Variants in GLE1 observed in about 807,000 individuals in gnomAD.
GLE1 encodes mRNA export factor GLE1.
Under a neutral mutation model 97.3 loss-of-function variants are expected in GLE1, and 78 were observed. The observed-to-expected ratio is 0.80, with a 90% CI of 0.67 to 0.97. GLE1 has a LOEUF of 0.97. Ranked by LOEUF, GLE1 falls within the 50% of genes least tolerant of loss-of-function variation. The pLI is 0.00. For missense variants in GLE1, 753 were observed against 857.5 expected (o/e 0.88, Z 1.52); for synonymous variants, 302 against 313.4 (o/e 0.96, Z 0.39).
chr9:128,539,678 CAA>C lies in GLE1; in HGVS notation c.1946_1947del (p.Lys649ArgfsTer8), dbSNP rs958545212. 6.2e-7 allele frequency: 1 copy of C among 1,611,912 alleles called. No individual in the cohort carries two copies. The highest frequency in any genetic ancestry group is 1.3e-5 in the African/African-American group (1 of 75,002). Reference protein sequence around the residue: ...VQFWKMLILIKEDYFPRIEAI... With the variant: ...VQFWKMLILIXEDYFPRIEAI... ...AGTTCTGGAAGATGCTAATTCTCAT[CAA>C]AGAGGACTACTTTCCCAGGTATCAG... On this transcript the variant is annotated frameshift_variant, in exon 14 of 16. Transcript: ENST00000309971. LOFTEE classifies it high-confidence loss of function.
intron 11 of GLE1, among the ~76,000 whole-genome samples, chr9:128,536,123 C>T (rs1294316329): frequency 6.6e-6 from 1 of 152,150 alleles, no homozygotes; most frequent in East Asian, 1.9e-4. Context: ...ACCTCCACCT[C>T]CCAGGTTCAA....
intron 9 of GLE1, 43 bp downstream of exon 9, chr9:128,527,568 A>G (rs778509068): frequency 8.7e-7 from 1 of 1,145,658 alleles, no homozygotes; most frequent in South Asian, 1.2e-5. Flanking sequence ...ATTTCATTGT[A>G]TTATCTTTCA....
chr9:128,518,110 T>C (rs1171968899), intron 3 of GLE1, among the ~76,000 whole-genome samples: 1 of 152,052 alleles, frequency 6.6e-6, no homozygotes, highest in Non-Finnish European at 1.5e-5. Flanking sequence ...TAGCTGTTTC[T>C]GGACAGTTTA....
Position 128,541,249 on chromosome 9 carries a change from A to G in GLE1, c.*79A>G. 1.2e-6 allele frequency: 1 copy of G among 853,732 alleles called. No individual in the cohort carries two copies. The highest frequency in any genetic ancestry group is 2.1e-6 in the Non-Finnish European group (1 of 487,178). 52.9% of individuals were successfully genotyped at this position (853,732 alleles called of 1,614,324 possible). A position where few individuals can be genotyped will look rare whatever the true frequency, so the allele number is the denominator to read the frequency against. ...ACTGAAGACAGCTGTATTTGGGAGA[A>G]GTCATGTCAGATTCAGAAATTTGCC... On this transcript the variant is annotated 3_prime_UTR_variant, in exon 16 of 16. Coordinates refer to ENST00000309971, the MANE Select transcript of GLE1 (RefSeq NM_001003722.2).
intron 6 of GLE1, among the ~76,000 whole-genome samples, chr9:128,524,827 G>C (rs1276242590): frequency 1.3e-5 from 2 of 151,900 alleles, no homozygotes; most frequent in African/African-American, 4.8e-5. Flanking sequence ...GGGAGGCAAA[G>C]GTTGCAATGA....
At chr9:128,532,705 A>G (rs1385910589) in intron 9 of GLE1, 1 of 969,366 alleles carries the variant, frequency 1.0e-6, no homozygotes, top group Non-Finnish European at 1.2e-6. Flanking sequence ...CGCAGCCCCC[A>G]CTGCTTGTGA....
intron 1 of GLE1, among the ~76,000 whole-genome samples, chr9:128,506,889 T>C (rs1158039279): frequency 1.3e-5 from 2 of 152,238 alleles, no homozygotes; most frequent in Non-Finnish European, 2.9e-5. Context: ...GAAGTTTGGC[T>C]CCTGTTATTC....
chr9:128,533,815 GT>G lies in GLE1; in HGVS notation c.1512del (p.Val505TrpfsTer51), dbSNP rs1487298929. 6.2e-7 allele frequency: 1 copy of G among 1,613,986 alleles called. No individual in the cohort carries two copies. Among genetic ancestry groups the G allele is most frequent in the Non-Finnish European group, 8.5e-7 (1 of 1,179,946 alleles). ...SHHEAAFPIA[V>X]VASGIWELHP... ...CCATGAAGCAGCATTCCCCATTGCAGTTGTGGCATCCGGGATCTGGGAGCTC... is the reference window on the plus strand; with the variant it reads ...CCATGAAGCAGCATTCCCCATTGCAGTGTGGCATCCGGGATCTGGGAGCTC... On this transcript the variant is annotated frameshift_variant, in exon 11 of 16. Coordinates refer to ENST00000309971, the MANE Select transcript of GLE1 (RefSeq NM_001003722.2). LOFTEE classifies it high-confidence loss of function.
chr9:128,533,038 C>T (rs1847569161), intron 9 of GLE1, among the ~76,000 whole-genome samples: 4 of 152,016 alleles, frequency 2.6e-5, no homozygotes, highest in Admixed American at 2.6e-4. Context: ...ACTGTTTATC[C>T]CTTCATTTTA....
chr9:128,528,347 A>C (rs894875798), intron 9 of GLE1, among the ~76,000 whole-genome samples: 1 of 134,548 alleles, frequency 7.4e-6, no homozygotes, highest in Admixed American at 8.0e-5. Flanking sequence ...TCTGTCACCC[A>C]GACTGGAGTG....
At chr9:128,539,334 G>A (rs557744148) in intron 13 of GLE1, among the ~76,000 whole-genome samples, 1 of 152,184 alleles carries the variant, frequency 6.6e-6, no homozygotes, top group Non-Finnish European at 1.5e-5. Context: ...TACTAAGTTT[G>A]GGAGGTATAC....
At chr9:128,510,713 G>C (rs995089064) in intron 2 of GLE1, among the ~76,000 whole-genome samples, 1 of 145,610 alleles carries the variant, frequency 6.9e-6, no homozygotes, top group Non-Finnish European at 1.5e-5. Context: ...ATTCTTAGTA[G>C]AGACAGGATT....
intron 2 of GLE1, among the ~76,000 whole-genome samples, chr9:128,512,011 T>C (rs1846839962): frequency 1.3e-5 from 2 of 152,186 alleles, no homozygotes; most frequent in East Asian, 3.9e-4. Flanking sequence ...GGTTTCACCA[T>C]GTTGGCCAGG....
At chr9:128,519,676 G>A (rs187893607) in intron 3 of GLE1, among the ~76,000 whole-genome samples, 8 of 152,268 alleles carry the variant, frequency 5.3e-5, no homozygotes, top group East Asian at 1.9e-4. Context: ...CTGTGATCTC[G>A]CGATCTCGCC....
intron 9 of GLE1, among the ~76,000 whole-genome samples, chr9:128,530,262 C>G (rs1847451509): frequency 6.6e-6 from 1 of 152,208 alleles, no homozygotes; most frequent in Non-Finnish European, 1.5e-5. Flanking sequence ...CTATATGTCT[C>G]TTAGCTGCCT....
At chr9:128,535,085 TCTCTGGGC>T (rs1847656887) in intron 11 of GLE1, among the ~76,000 whole-genome samples, 1 of 151,020 alleles carries the variant, frequency 6.6e-6, no homozygotes, top group Non-Finnish European at 1.5e-5. Context: ...TAAAAAGTAA[TCTCTGGGC>T]CAGGTGCAGT....
At chr9:128,504,959 T>G in intron 1 of GLE1, 55 bp downstream of exon 1, 2 of 1,193,798 alleles carry the variant, frequency 1.7e-6, no homozygotes, top group Non-Finnish European at 2.5e-6. Flanking sequence ...GACCGAAACC[T>G]TCTCCCTAGC....
At position 128,504,733 on chromosome 9, in the gene GLE1, C is replaced by T. The variant is rs1265602375; in HGVS notation, c.-73C>T. On this transcript the variant is annotated 5_prime_UTR_variant, in exon 1 of 16. Coordinates refer to ENST00000309971, the MANE Select transcript of GLE1 (RefSeq NM_001003722.2). The stretch of plus-strand genomic sequence containing the variant: ...GTCCCGGAAGCAGAAGCCTGTGTGG[C>T]CTTCCCGGCGGCTGATTCGAGGGCT... 9.8e-7 allele frequency: 1 copy of T among 1,024,412 alleles called. No homozygotes were observed. Among genetic ancestry groups the T allele is most frequent in the Non-Finnish European group, 1.5e-6 (1 of 649,752 alleles). 63.5% of individuals were successfully genotyped at this position (1,024,412 alleles called of 1,614,324 possible). A position where few individuals can be genotyped will look rare whatever the true frequency, so the allele number is the denominator to read the frequency against.
At chr9:128,512,685 A>C (rs1157051180) in intron 2 of GLE1, among the ~76,000 whole-genome samples, 1 of 148,232 alleles carries the variant, frequency 6.7e-6, no homozygotes, top group Non-Finnish European at 1.5e-5. Flanking sequence ...TTTTTTTTTT[A>C]ATATGGAGTT....
Sources: allele counts gnomAD v4.1 joint callset (sites outside exome capture counted in the v4.1 genomes callset), GRCh38; gene constraint gnomAD v4.1.1; transcripts MANE v1.5; gene names NCBI Gene and HGNC (gene_info 2026-07-23, HGNC 2026-07-21).